SEMA3D: variants seen among roughly 807,000 people sequenced by gnomAD.
SEMA3D encodes semaphorin-3D.
Under a neutral mutation model 100.1 loss-of-function variants are expected in SEMA3D, and 84 were observed. The observed-to-expected ratio is 0.84, with a 90% CI of 0.70 to 1.01. SEMA3D has a LOEUF of 1.01. SEMA3D is among the 50% of genes least tolerant of loss of function. SEMA3D has a pLI of 0.00. For missense variants in SEMA3D, 875 were observed against 934.1 expected, an observed-to-expected ratio of 0.94 and a Z score of 0.82; for synonymous variants, 312 against 320.7, an observed-to-expected ratio of 0.97 and a Z score of 0.29.
intron 2 of SEMA3D, chr7:85,142,164 T>C: frequency 1.0e-6 from 1 of 984,772 alleles, no homozygotes; most frequent in Non-Finnish European, 1.2e-6. Context: ...AAAAGGACAA[T>C]TCGCTCAGTG....
intron 5 of SEMA3D, among the ~76,000 whole-genome samples, chr7:85,074,832 C>A (rs1331222477): frequency 6.6e-6 from 1 of 151,978 alleles, no homozygotes; most frequent in African/African-American, 2.4e-5. Flanking sequence ...GTTACCTAGT[C>A]TGGTCTTGAA....
the SEMA3D span, among the ~76,000 whole-genome samples, chr7:85,238,572 A>C: frequency 2.6e-5 from 4 of 152,150 alleles, no homozygotes; most frequent in Non-Finnish European, 5.9e-5. Flanking sequence ...TCTTCCTCCA[A>C]TACAACACTG....
the SEMA3D span, among the ~76,000 whole-genome samples, chr7:85,245,872 C>T: frequency 0.18 from 27,973 of 151,848 alleles, 2,592 homozygotes; most frequent in Middle Eastern, 0.26. Flanking sequence ...TATTATCTTG[C>T]CTTTGGCTAT....
intron 12 of SEMA3D, among the ~76,000 whole-genome samples, chr7:85,030,968 A>G (rs2115912279): frequency 6.6e-6 from 1 of 152,178 alleles, no homozygotes; most frequent in South Asian, 2.1e-4. Flanking sequence ...CCTGAACAAA[A>G]TATGGCTTGT....
upstream of SEMA3D, among the ~76,000 whole-genome samples, chr7:85,189,245 C>T (rs1036085675): frequency 2.0e-5 from 3 of 152,062 alleles, no homozygotes; most frequent in Non-Finnish European, 4.4e-5. Context: ...GTGTTAGGTG[C>T]TTAACAAATA....
At chr7:85,200,374 G>A in the SEMA3D span, among the ~76,000 whole-genome samples, 2 of 152,170 alleles carry the variant, frequency 1.3e-5, no homozygotes, top group African/African-American at 4.8e-5. Flanking sequence ...AGATGGAGAT[G>A]AGCAACTTGT....
At chr7:85,140,307 C>T (rs1037302444) in intron 2 of SEMA3D, 2 of 981,940 alleles carry the variant, frequency 2.0e-6, no homozygotes, top group African/African-American at 3.5e-5. Context: ...TTGATTGTGA[C>T]AGAGTGAAAA....
chr7:85,109,088 A>G lies in SEMA3D; in HGVS notation c.152-11123T>C, dbSNP rs899823671. ...TAAATTTTCTTCATATATTCCTTCA[A>G]TTAATTAAAAACATGTATGGTCTGT... On this transcript the variant is annotated intron_variant, in intron 3 of 18. Transcript: ENST00000284136. 3.9e-5 allele frequency among the ~76,000 whole-genome samples: 6 copies of G among 152,026 alleles called. No individual in the cohort carries two copies. In the South Asian group the frequency reaches 1.0e-3, roughly 26 times the overall value.
the SEMA3D span, among the ~76,000 whole-genome samples, chr7:85,238,439 C>T: frequency 6.6e-6 from 1 of 152,080 alleles, no homozygotes; most frequent in East Asian, 1.9e-4. Flanking sequence ...CCAGTTGTTC[C>T]ATCATCATTT....
At chr7:85,164,436 C>T (rs1423833424) in intron 1 of SEMA3D, among the ~76,000 whole-genome samples, 1 of 152,016 alleles carries the variant, frequency 6.6e-6, no homozygotes, top group Non-Finnish European at 1.5e-5. Context: ...TTTTGAGCTG[C>T]AAATCTTTAA....
Position 85,055,207 on chromosome 7 carries a change from G to A in SEMA3D, c.861+510C>T, listed in dbSNP as rs184538640. Reference sequence around the variant, plus strand: ...ATATATAATTTTACATATGTGATGTGCGTGATGATAAAAATGTAGAATATA... The same window carrying A: ...ATATATAATTTTACATATGTGATGTACGTGATGATAAAAATGTAGAATATA... On this transcript the variant is annotated intron_variant, in intron 9 of 18. Coordinates refer to ENST00000284136, the MANE Select transcript of SEMA3D (RefSeq NM_001384900.1). 1.2e-3 allele frequency among the ~76,000 whole-genome samples: 176 copies of A among 152,164 alleles called. 2 individuals are homozygous for A. Among genetic ancestry groups the A allele is most frequent in the Middle Eastern group, 3.4e-3 (1 of 294 alleles).
intron 1 of SEMA3D, among the ~76,000 whole-genome samples, chr7:85,184,601 T>C (rs1295755940): frequency 3.3e-5 from 5 of 152,098 alleles, no homozygotes; most frequent in African/African-American, 1.2e-4. Flanking sequence ...TGAAACACAA[T>C]AGGTGTTTGA....
At chr7:85,168,463 A>C (rs933474598) in intron 1 of SEMA3D, among the ~76,000 whole-genome samples, 1 of 151,746 alleles carries the variant, frequency 6.6e-6, no homozygotes, top group African/African-American at 2.4e-5. Flanking sequence ...TTTCTAAATT[A>C]GTTGTCAACC....
chr7:85,243,688 C>CA, the SEMA3D span, among the ~76,000 whole-genome samples: 57 of 151,832 alleles, frequency 3.8e-4, no homozygotes, highest in African/African-American at 1.1e-3. Context: ...TTTTTAACTA[C>CA]AAAAAAAATG....
chr7:85,100,860 T>A (rs1007029352), intron 3 of SEMA3D, among the ~76,000 whole-genome samples: 11 of 151,974 alleles, frequency 7.2e-5, no homozygotes, highest in Non-Finnish European at 1.3e-4. Flanking sequence ...AGACATGATA[T>A]TTGAAATCTC....
intron 4 of SEMA3D, among the ~76,000 whole-genome samples, chr7:85,093,351 T>A (rs1478775249): frequency 1.3e-5 from 2 of 151,906 alleles, no homozygotes; most frequent in Admixed American, 6.6e-5. Flanking sequence ...TTTGCAAAGT[T>A]TTTTTGCTCC....
At chr7:85,112,498 A>C (rs1325285849) in intron 3 of SEMA3D, among the ~76,000 whole-genome samples, 1 of 152,200 alleles carries the variant, frequency 6.6e-6, no homozygotes, top group Non-Finnish European at 1.5e-5. Flanking sequence ...TATTTTTTAT[A>C]TCTTAATATT....
chr7:85,125,005 G>GAT (rs1266936175), intron 2 of SEMA3D, among the ~76,000 whole-genome samples: 1 of 152,018 alleles, frequency 6.6e-6, no homozygotes, highest in Non-Finnish European at 1.5e-5. Context: ...GCAAAGCGCT[G>GAT]ATATCTGATT....
intron 9 of SEMA3D, among the ~76,000 whole-genome samples, chr7:85,051,307 A>T (rs1160986850): frequency 2.6e-5 from 4 of 151,938 alleles, no homozygotes; most frequent in Non-Finnish European, 5.9e-5. Context: ...GTCATTGATG[A>T]TATCATTACT....
Sources: gnomAD v4.1 joint callset for allele counts (sites outside exome capture counted in the v4.1 genomes callset) on GRCh38, gnomAD v4.1.1 for gene constraint, MANE v1.5 for transcripts, NCBI Gene and HGNC (gene_info 2026-07-23, HGNC 2026-07-21) for gene names.